GUCY2C: variants seen among roughly 807,000 people sequenced by gnomAD.
GUCY2C encodes guanylyl cyclase C.
In GUCY2C, 118 loss-of-function variants were observed where a neutral mutation model predicts 131.1. The ratio of observed to expected loss-of-function variants is 0.90; its 90% CI spans 0.78 to 1.05. The LOEUF (loss-of-function observed/expected upper bound fraction) is 1.05. Ranked by LOEUF, GUCY2C falls within the 50% of genes least tolerant of loss-of-function variation. The probability of loss-of-function intolerance (pLI) is 0.00; values close to 1 mark genes in which losing one functional copy is unlikely to be tolerated. For missense variants in GUCY2C, 1,161 were observed against 1,304.4 expected (o/e 0.89, Z 1.69); for synonymous variants, 452 against 457.8 (o/e 0.99, Z 0.16).
chr12:14,645,361 A>G, intron 15 of GUCY2C, 46 bp from the exon 16 acceptor site: 2 of 930,970 alleles, frequency 2.1e-6, no homozygotes, highest in Non-Finnish European at 3.5e-6. Flanking sequence ...GCAAGAAAGG[A>G]TATTGTGGAG....
chr12:14,671,337 C>T (rs376103224), intron 9 of GUCY2C, among the ~76,000 whole-genome samples: 9 of 152,230 alleles, frequency 5.9e-5, no homozygotes, highest in East Asian at 3.9e-4. Flanking sequence ...AGGGTTTTAC[C>T]GCGTTGGCCA....
At chr12:14,641,850 T>C (rs1180089260) in intron 17 of GUCY2C, among the ~76,000 whole-genome samples, 3 of 151,964 alleles carry the variant, frequency 2.0e-5, no homozygotes, top group East Asian at 3.9e-4. Context: ...GGCAGGAGAA[T>C]TGCTTGAACC....
rs753207518 is a variant in GUCY2C at position 14,669,721 on chromosome 12, C to A, written c.1282+1G>T. On this transcript the variant is annotated splice_donor_variant, in intron 10 of 26. Transcript: ENST00000261170. LOFTEE classifies it high-confidence loss of function. ...GAGAAAATTCATTAGGGATATCTTACCCCGGCCTGTAATATCATTAGGAAG... is the reference window on the plus strand; with the variant it reads ...GAGAAAATTCATTAGGGATATCTTAACCCGGCCTGTAATATCATTAGGAAG... The A allele has an allele frequency of 2.0e-6, 3 of 1,468,956 alleles. No individual in the cohort carries two copies. The highest frequency in any genetic ancestry group is 3.5e-5 in the Admixed American group (2 of 57,054). The allele number at this position is 1,468,956 out of a possible 1,614,324, so 91.0% of individuals were successfully genotyped here.
intron 17 of GUCY2C, among the ~76,000 whole-genome samples, chr12:14,643,256 C>T (rs532961672): frequency 3.9e-5 from 6 of 152,218 alleles, no homozygotes; most frequent in Admixed American, 1.3e-4. Context: ...TTAAATTAGA[C>T]GATGTCTAAG....
chr12:14,681,291 T>G lies in GUCY2C; in HGVS notation c.733+65A>C. The G allele has an allele frequency of 2.8e-6, 4 of 1,426,402 alleles. No homozygotes were observed. The South Asian group carries it at 3.5e-5, about 12-fold the overall frequency. The allele number at this position is 1,426,402 out of a possible 1,614,324, so 88.4% of individuals were successfully genotyped here. A position where few individuals can be genotyped will look rare whatever the true frequency, so the allele number is the denominator to read the frequency against. On this transcript the variant is annotated intron_variant, in intron 5 of 26. Coordinates refer to ENST00000261170, the MANE Select transcript of GUCY2C (RefSeq NM_004963.4). ...GCAGTGGAGGATTTGTTGAAATGAC[T>G]TATAAGGAGGTGGTAGTCATAAAGA...
intron 19 of GUCY2C, among the ~76,000 whole-genome samples, chr12:14,635,492 G>A (rs1378850438): frequency 1.3e-5 from 2 of 152,038 alleles, no homozygotes; most frequent in African/African-American, 2.4e-5. Flanking sequence ...AGGAATAAAT[G>A]CCTGCATCAA....
In GUCY2C at chr12:14,674,609, C is replaced by T; in HGVS notation, c.1084+16G>A. 6 of 1,612,544 alleles carry T rather than the reference C, an allele frequency of 3.7e-6. No individual in the cohort carries two copies. Among genetic ancestry groups the T allele is most frequent in the Non-Finnish European group, 5.1e-6 (6 of 1,178,886 alleles). ...TTTCTTCACCTTGGGGTTATTTGCT[C>T]TTAGTAGACCAGTACCTTCAAAAGT... On this transcript the variant is annotated intron_variant, in intron 8 of 26. Transcript: ENST00000261170.
At position 14,643,680 on chromosome 12, in the gene GUCY2C, C is replaced by T; in HGVS notation, c.1824G>A (p.Lys608=). 2 of 1,613,016 alleles carry T rather than the reference C, an allele frequency of 1.2e-6. No individual in the cohort carries two copies. The highest frequency in any genetic ancestry group is 1.7e-4 in the Middle Eastern group (1 of 6,056). ...AKGMSYLHSS[K]TEVHGRLKST... Reference sequence around the variant, plus strand: ...ATTTCAGACGACCATGGACTTCTGTCTTACTGGAGTGCAGATATGACATTC... The same window carrying T: ...ATTTCAGACGACCATGGACTTCTGTTTTACTGGAGTGCAGATATGACATTC... Residue 608 remains lysine, a synonymous_variant, in exon 17 of 27, where the codon AAG becomes AAA. Coordinates refer to ENST00000261170, the MANE Select transcript of GUCY2C (RefSeq NM_004963.4).
chr12:14,673,335 A>T (rs1185767772), intron 8 of GUCY2C, among the ~76,000 whole-genome samples: 3 of 152,194 alleles, frequency 2.0e-5, no homozygotes, highest in African/African-American at 7.2e-5. Context: ...TTGTAGGAAG[A>T]TCAAAATTTT....
chr12:14,652,048 AT>A lies in GUCY2C; in HGVS notation c.1534-19del. 1 of 1,486,904 alleles carries A rather than the reference AT, an allele frequency of 6.7e-7. No homozygotes were observed. Among genetic ancestry groups the A allele is most frequent in the Non-Finnish European group, 9.4e-7 (1 of 1,064,836 alleles). The allele number at this position is 1,486,904 out of a possible 1,614,324, so 92.1% of individuals were successfully genotyped here. ...ATCACTCGCTGCAAAAATCAATGAA[AT>A]TTAGGAGACAGTGTTGTGGTGTAAC... On this transcript the variant is annotated intron_variant, in intron 13 of 26. Coordinates refer to ENST00000261170, the MANE Select transcript of GUCY2C (RefSeq NM_004963.4).
chr12:14,691,399 A>T (rs949874640), intron 1 of GUCY2C, among the ~76,000 whole-genome samples: 1 of 152,164 alleles, frequency 6.6e-6, no homozygotes, highest in Admixed American at 6.5e-5. Flanking sequence ...TTTAATTTTC[A>T]TGACAATAGA....
chr12:14,696,521 G>T lies in GUCY2C; in HGVS notation c.-73C>A. On this transcript the variant is annotated 5_prime_UTR_variant, in exon 1 of 27. Transcript: ENST00000261170. ...TCTGTTGGGCTCCTAGGGAGGCAGG[G>T]AATCCAGATGGACAGCCTCTAGTGG... 8.9e-7 allele frequency: 1 copy of T among 1,124,704 alleles called. No individual in the cohort carries two copies. The allele number at this position is 1,124,704 out of a possible 1,614,324, so 69.7% of individuals were successfully genotyped here.
At chr12:14,666,791 G>T (rs549351643) in intron 10 of GUCY2C, among the ~76,000 whole-genome samples, 1 of 151,410 alleles carries the variant, frequency 6.6e-6, no homozygotes, top group Non-Finnish European at 1.5e-5. Context: ...GAGGACTCCT[G>T]TACCCTCGCT....
At chr12:14,643,505 T>A in intron 17 of GUCY2C, 69 bp downstream of exon 17, 1 of 1,446,536 alleles carries the variant, frequency 6.9e-7, no homozygotes, top group South Asian at 1.2e-5. Flanking sequence ...TACAATTTCC[T>A]GACCACGCTA....
chr12:14,628,744 G>GAAAA lies in GUCY2C; in HGVS notation c.2158-11_2158-8dup. ...TTTTTACAAGTAGGTACACCTGGAA[G>GAAAA]AAAAAAAAACGGGCAAATTAGCTAA... On this transcript the variant is annotated splice_region_variant and splice_polypyrimidine_tract_variant and intron_variant, in intron 19 of 26. Transcript: ENST00000261170. 3 of 1,339,714 alleles carry GAAAA rather than the reference G, an allele frequency of 2.2e-6. No individual in the cohort carries two copies. The highest frequency in any genetic ancestry group is 1.8e-5 in the Admixed American group (1 of 55,498). 83.0% of individuals were successfully genotyped at this position (1,339,714 alleles called of 1,614,324 possible).
At chr12:14,673,049 A>G (rs1948150329) in intron 8 of GUCY2C, 91 bp from the exon 9 acceptor site, 2 of 744,524 alleles carry the variant, frequency 2.7e-6, no homozygotes, top group Non-Finnish European at 4.9e-6. Context: ...AATGGGTTCA[A>G]ATAGCTCTGT....
intron 5 of GUCY2C, among the ~76,000 whole-genome samples, chr12:14,680,479 A>T (rs897574050): frequency 6.6e-6 from 1 of 152,206 alleles, no homozygotes; most frequent in South Asian, 2.1e-4. Flanking sequence ...TGCAACTGGT[A>T]GGCCATTAAT....
chr12:14,643,754 C>A (rs767499511), intron 16 of GUCY2C, 48 bp from the exon 17 acceptor site: 1 of 1,545,228 alleles, frequency 6.5e-7, no homozygotes, highest in South Asian at 1.1e-5. Context: ...CACACTTCAG[C>A]TGCTTGATTA....
At position 14,628,654 on chromosome 12, in the gene GUCY2C, CT is replaced by C; in HGVS notation, c.2240del (p.Lys747ArgfsTer18). The C allele has an allele frequency of 6.5e-7, 1 of 1,528,796 alleles. No homozygotes were observed. Among genetic ancestry groups the C allele is most frequent in the Non-Finnish European group, 9.1e-7 (1 of 1,102,560 alleles). 94.7% of individuals were successfully genotyped at this position (1,528,796 alleles called of 1,614,324 possible). A position where few individuals can be genotyped will look rare whatever the true frequency, so the allele number is the denominator to read the frequency against. On this transcript the variant is annotated frameshift_variant, in exon 20 of 27. Transcript: ENST00000261170. LOFTEE classifies it high-confidence loss of function. ...AAACATTTCAGCAATACCCAAATAT[CT>C]TGGCAAGTGTAGTCTCAATTTTTTT... ...DFKKIETTLA[K>X]IFGLFHDQKN... is the part of the protein sequence containing the mutation.
Sources: gnomAD v4.1 joint callset for allele counts (sites outside exome capture counted in the v4.1 genomes callset) on GRCh38, gnomAD v4.1.1 for gene constraint, MANE v1.5 for transcripts, NCBI Gene and HGNC (gene_info 2026-07-23, HGNC 2026-07-21) for gene names.